Variants in IL36B observed in about 807,000 individuals in gnomAD.
IL36B encodes the protein interleukin 36 beta, also known as interleukin-36 beta.
In IL36B, 23 loss-of-function variants were observed where a neutral mutation model predicts 19.3. That is an observed-to-expected ratio of 1.19 (90% CI 0.86 to 1.69). IL36B has a LOEUF of 1.69. IL36B is among the 40% of genes most tolerant of loss of function. The pLI, the probability that IL36B is intolerant of heterozygous loss-of-function variation, is 0.00. For synonymous variants in IL36B, 59 were observed against 59.7 expected (o/e 0.99, Z 0.05); for missense variants, 217 against 200.5 (o/e 1.08, Z -0.50).
chr2:113,051,913 C>T (rs144823777), intron 1 of IL36B, among the ~76,000 whole-genome samples: 1 of 152,038 alleles, frequency 6.6e-6, no homozygotes, highest in Admixed American at 6.5e-5. Context: ...TGTCTCTGCA[C>T]CAACTCTGTT....
intron 2 of IL36B, 117 bp from the exon 3 acceptor site, chr2:113,031,272 G>T (rs1685070334): frequency 2.8e-6 from 2 of 718,316 alleles, no homozygotes; most frequent in Non-Finnish European, 5.0e-6. Flanking sequence ...GCTCTGAGAA[G>T]TAGTGGCTAT....
At chr2:113,028,364 C>G (rs984673480) in intron 4 of IL36B, among the ~76,000 whole-genome samples, 1 of 152,160 alleles carries the variant, frequency 6.6e-6, no homozygotes, top group African/African-American at 2.4e-5. Flanking sequence ...ACTGTCTTCC[C>G]TGGAACAGAG....
At chr2:113,048,809 A>G (rs1276294795) in intron 1 of IL36B, among the ~76,000 whole-genome samples, 1 of 152,254 alleles carries the variant, frequency 6.6e-6, no homozygotes, top group Non-Finnish European at 1.5e-5. Context: ...ATAAGAGGAT[A>G]CTACAAACAA....
chr2:113,040,319 T>C (rs1265116107), intron 1 of IL36B, among the ~76,000 whole-genome samples: 3 of 152,236 alleles, frequency 2.0e-5, no homozygotes, highest in South Asian at 2.1e-4. Context: ...GGTGAAAGAA[T>C]TGATTTTTTT....
At chr2:113,049,180 G>A (rs927388790) in intron 1 of IL36B, among the ~76,000 whole-genome samples, 1 of 152,200 alleles carries the variant, frequency 6.6e-6, no homozygotes, top group East Asian at 1.9e-4. Context: ...GAAAGTTAAA[G>A]CCCTTAGAAG....
intron 1 of IL36B, among the ~76,000 whole-genome samples, chr2:113,033,253 G>A (rs2105046284): frequency 2.0e-5 from 3 of 152,238 alleles, no homozygotes; most frequent in Middle Eastern, 6.8e-3. Flanking sequence ...TGGAGATGGA[G>A]TCTCGCTCTC....
chr2:113,031,663 A>T, intron 2 of IL36B, 34 bp downstream of exon 2: 1 of 1,585,140 alleles, frequency 6.3e-7, no homozygotes, highest in Non-Finnish European at 8.7e-7. Flanking sequence ...TCAGATGGAG[A>T]TATTTCCAAG....
chr2:113,038,930 T>C (rs527248208), intron 1 of IL36B, among the ~76,000 whole-genome samples: 28 of 152,312 alleles, frequency 1.8e-4, no homozygotes, highest in African/African-American at 6.3e-4. Context: ...CTACAGTGAG[T>C]GACTCAGTGG....
intron 1 of IL36B, among the ~76,000 whole-genome samples, chr2:113,035,512 AT>A (rs1226174269): frequency 2.0e-5 from 3 of 152,154 alleles, no homozygotes; most frequent in Admixed American, 6.5e-5. Context: ...GAAAAAAAAA[AT>A]AATAATAGCA....
At chr2:113,032,543 C>A (rs923028349) in intron 1 of IL36B, among the ~76,000 whole-genome samples, 2 of 152,124 alleles carry the variant, frequency 1.3e-5, no homozygotes, top group Non-Finnish European at 2.9e-5. Context: ...TGTAAGCAGC[C>A]CTGGATCCTT....
intron 1 of IL36B, among the ~76,000 whole-genome samples, chr2:113,039,374 G>A (rs1177054254): frequency 6.6e-6 from 1 of 152,186 alleles, no homozygotes; most frequent in Non-Finnish European, 1.5e-5. Flanking sequence ...CACCCTCACC[G>A]TGGCACAGTT....
intron 1 of IL36B, among the ~76,000 whole-genome samples, chr2:113,050,029 C>T (rs1030448016): frequency 6.6e-6 from 1 of 151,960 alleles, no homozygotes; most frequent in Non-Finnish European, 1.5e-5. Flanking sequence ...GGTGCAACCA[C>T]TGTGGAAAAC....
At chr2:113,042,889 C>T (rs552900330) in intron 1 of IL36B, among the ~76,000 whole-genome samples, 8 of 151,794 alleles carry the variant, frequency 5.3e-5, no homozygotes, top group Non-Finnish European at 1.2e-4. Context: ...ACATTTTCAT[C>T]ACTATTATGT....
chr2:113,043,584 CA>C (rs1685297263), intron 1 of IL36B, among the ~76,000 whole-genome samples: 1 of 152,110 alleles, frequency 6.6e-6, no homozygotes, highest in South Asian at 2.1e-4. Flanking sequence ...GTTTTTAAGA[CA>C]GAGTCTTGCT....
intron 1 of IL36B, among the ~76,000 whole-genome samples, chr2:113,040,220 T>C (rs1051135099): frequency 7.9e-5 from 12 of 152,168 alleles, no homozygotes; most frequent in Non-Finnish European, 1.0e-4. Context: ...CTACTTAGGA[T>C]ATAAACTCCC....
At chr2:113,041,298 ACAAT>A (rs1685252796) in intron 1 of IL36B, among the ~76,000 whole-genome samples, 1 of 152,216 alleles carries the variant, frequency 6.6e-6, no homozygotes, top group Non-Finnish European at 1.5e-5. Flanking sequence ...GATAAATAAA[ACAAT>A]CAAATCGAAT....
At chr2:113,047,316 A>C (rs1685366467) in intron 1 of IL36B, among the ~76,000 whole-genome samples, 1 of 152,202 alleles carries the variant, frequency 6.6e-6, no homozygotes, top group South Asian at 2.1e-4. Flanking sequence ...CTGATCCAAA[A>C]ATTCAAAATT....
chr2:113,028,408 A>C (rs35556131), intron 4 of IL36B, among the ~76,000 whole-genome samples: 1,525 of 152,276 alleles, frequency 0.01, 24 homozygotes, highest in African/African-American at 0.034. Context: ...TGCTTTTGAT[A>C]TGCATTTGTC....
intron 1 of IL36B, among the ~76,000 whole-genome samples, chr2:113,050,100 C>T (rs1191071421): frequency 6.6e-6 from 1 of 152,184 alleles, no homozygotes; most frequent in Non-Finnish European, 1.5e-5. Flanking sequence ...GGAGTTCCAC[C>T]TCTGGGTATA....
Sources: allele counts gnomAD v4.1 joint callset (sites outside exome capture counted in the v4.1 genomes callset), GRCh38; gene constraint gnomAD v4.1.1; transcripts MANE v1.5; gene names NCBI Gene and HGNC (gene_info 2026-07-23, HGNC 2026-07-21).